Variants in CARMIL1 observed in about 807,000 individuals in gnomAD.
CARMIL1 encodes capping protein regulator and myosin 1 linker 1.
CARMIL1 carries 90 observed loss-of-function variants against 177.1 expected under a neutral mutation model. The ratio of observed to expected loss-of-function variants is 0.51; its 90% CI spans 0.43 to 0.61. The LOEUF is 0.61. CARMIL1 is among the 20% of genes least tolerant of loss of function. CARMIL1 has a pLI of 0.00. For missense variants in CARMIL1, 1,380 were observed against 1,667.0 expected, an observed-to-expected ratio of 0.83 and a Z score of 3.00; for synonymous variants, 577 against 606.2, an observed-to-expected ratio of 0.95 and a Z score of 0.71.
At chr6:25,555,148 G>A (rs572678085) in intron 28 of CARMIL1, among the ~76,000 whole-genome samples, 23 of 152,060 alleles carry the variant, frequency 1.5e-4, no homozygotes, top group Non-Finnish European at 2.6e-4. Context: ...TTTCATTGTA[G>A]CACCAAAAAA....
chr6:25,281,614 T>C lies in CARMIL1; in HGVS notation c.40+1779T>C, dbSNP rs559561303. ...GTTTTTATTAAGTATTGCCTATCTC[T>C]TTCAAGAGAGTGACATATTATGCCC... On this transcript the variant is annotated intron_variant, in intron 1 of 36. Transcript: ENST00000329474. Among the ~76,000 whole-genome samples, 4 of 152,326 alleles carry C rather than the reference T, an allele frequency of 2.6e-5. No individual in the cohort carries two copies. In the South Asian group the frequency reaches 8.3e-4, roughly 32 times the overall value.
chr6:25,489,593 C>T (rs187751949), intron 13 of CARMIL1, among the ~76,000 whole-genome samples: 81 of 152,276 alleles, frequency 5.3e-4, no homozygotes, highest in Non-Finnish European at 8.4e-4. Flanking sequence ...CTACACCCAG[C>T]GGCCATCTTT....
chr6:25,532,991 T>C (rs1321949310), intron 24 of CARMIL1, among the ~76,000 whole-genome samples: 1 of 152,058 alleles, frequency 6.6e-6, no homozygotes, highest in Non-Finnish European at 1.5e-5. Flanking sequence ...CTCGCCAAGC[T>C]CTTCTCTTTA....
chr6:25,611,149 A>G (rs1325102690), intron 36 of CARMIL1, among the ~76,000 whole-genome samples: 6 of 152,154 alleles, frequency 3.9e-5, no homozygotes, highest in African/African-American at 1.4e-4. Context: ...GTGGCTTGGA[A>G]ATCTAATAAA....
chr6:25,487,789 A>G (rs1245938449), intron 12 of CARMIL1, among the ~76,000 whole-genome samples: 1 of 152,214 alleles, frequency 6.6e-6, no homozygotes, highest in Non-Finnish European at 1.5e-5. Context: ...ACTTAGTTCT[A>G]TCCATACAGG....
At chr6:25,564,016 A>T in intron 29 of CARMIL1, 1 of 275,836 alleles carries the variant, frequency 3.6e-6, no homozygotes, top group Non-Finnish European at 5.5e-6. Context: ...ATTAAGTATC[A>T]TAAGTAACAT....
At chr6:25,453,876 G>A (rs1799235371) in intron 8 of CARMIL1, among the ~76,000 whole-genome samples, 1 of 151,890 alleles carries the variant, frequency 6.6e-6, no homozygotes, top group Non-Finnish European at 1.5e-5. Flanking sequence ...CGTTTTTTTT[G>A]GACTTACTTT....
intron 20 of CARMIL1, among the ~76,000 whole-genome samples, chr6:25,514,550 CAA>C (rs66490833): frequency 1.7e-4 from 14 of 84,164 alleles, no homozygotes; most frequent in East Asian, 4.5e-4. Context: ...GACCTTGTCT[CAA>C]AAAAAAAAAA....
At chr6:25,368,750 T>G (rs9467476) in intron 2 of CARMIL1, among the ~76,000 whole-genome samples, 15,525 of 152,232 alleles carry the variant, frequency 0.1, 1,079 homozygotes, top group African/African-American at 0.2. Context: ...GTGGAATTAA[T>G]GAGATTTTAC....
rs768649079 is a variant in CARMIL1, at chr6:25,515,795, G to A, written c.1753G>A (p.Asp585Asn). Residue 585 changes from aspartate (D) to asparagine (N), a missense_variant, in exon 21 of 37, where the codon GAC (aspartate) becomes AAC (asparagine). Coordinates refer to ENST00000329474, the MANE Select transcript of CARMIL1 (RefSeq NM_017640.6). The surrounding 1 kb of genome is among the most constrained non-coding windows in gnomAD (Gnocchi z 5.0). Reference sequence around the variant, plus strand: ...GGACATTAGCGGCAACGGAATGGGGGACATGGGAGCGAAGATGCTGGCCAA... The same window carrying A: ...GGACATTAGCGGCAACGGAATGGGGAACATGGGAGCGAAGATGCTGGCCAA... ...KVDISGNGMG[D>N]MGAKMLAKAL... 2 of 1,611,806 alleles carry A rather than the reference G, an allele frequency of 1.2e-6. No individual in the cohort carries two copies. Among genetic ancestry groups the A allele is most frequent in the Non-Finnish European group, 1.7e-6 (2 of 1,179,092 alleles).
At chr6:25,285,569 T>C (rs886249831) in intron 2 of CARMIL1, among the ~76,000 whole-genome samples, 1 of 152,218 alleles carries the variant, frequency 6.6e-6, no homozygotes, top group Non-Finnish European at 1.5e-5. Context: ...CATTTTGTGA[T>C]ATTTTAATGG....
At chr6:25,476,337 TGTGTG>T (rs1285914773) in intron 11 of CARMIL1, among the ~76,000 whole-genome samples, 3 of 152,202 alleles carry the variant, frequency 2.0e-5, no homozygotes, top group African/African-American at 7.2e-5. Context: ...CCAAGTCTGT[TGTGTG>T]GTTTCTGCTC....
intron 2 of CARMIL1, among the ~76,000 whole-genome samples, chr6:25,325,728 A>G (rs1785030744): frequency 6.6e-6 from 1 of 152,230 alleles, no homozygotes; most frequent in African/African-American, 2.4e-5. Context: ...TGTAACAGAT[A>G]TGGCTTGATT....
At chr6:25,450,912 TTCTCCTCTCCTCTCCTCTCCTCTCC>T (rs1163650038) in intron 8 of CARMIL1, among the ~76,000 whole-genome samples, 3 of 14,458 alleles carry the variant, frequency 2.1e-4, no homozygotes, top group African/African-American at 5.2e-4. Flanking sequence ...TTTCTTTTCC[TTCTCCTCTCCTCTCCTCTCCTCTCC>T]TCTCCTCTCC....
At chr6:25,442,083 A>T (rs1340399271) in intron 5 of CARMIL1, among the ~76,000 whole-genome samples, 1 of 152,056 alleles carries the variant, frequency 6.6e-6, no homozygotes, top group Admixed American at 6.6e-5. Flanking sequence ...GGCTTGCAGC[A>T]TTAAAGCATG....
At chr6:25,476,471 C>T (rs1003469968) in intron 11 of CARMIL1, among the ~76,000 whole-genome samples, 12 of 152,220 alleles carry the variant, frequency 7.9e-5, no homozygotes. Flanking sequence ...CAACTGCCAA[C>T]ATTCATATCT....
At chr6:25,304,006 A>C (rs181072566) in intron 2 of CARMIL1, among the ~76,000 whole-genome samples, 52 of 152,354 alleles carry the variant, frequency 3.4e-4, no homozygotes, top group Non-Finnish European at 6.8e-4. Context: ...ACTCTGCTTT[A>C]AAAGTCTTGT....
chr6:25,597,217 A>C (rs1329229926), intron 32 of CARMIL1, among the ~76,000 whole-genome samples: 1 of 152,176 alleles, frequency 6.6e-6, no homozygotes, highest in African/African-American at 2.4e-5. Flanking sequence ...CATTCCCATG[A>C]GAACTAATAC....
chr6:25,398,805 G>A (rs990441880), intron 2 of CARMIL1, among the ~76,000 whole-genome samples: 3 of 152,194 alleles, frequency 2.0e-5, no homozygotes, highest in Admixed American at 6.5e-5. Flanking sequence ...TTGATGAGAA[G>A]CATTAGCAAG....
Sources: gnomAD v4.1 joint callset for allele counts (sites outside exome capture counted in the v4.1 genomes callset) on GRCh38, gnomAD v4.1.1 for gene constraint, Gnocchi (gnomAD v3.1) non-coding constraint, MANE v1.5 for transcripts, NCBI Gene and HGNC (gene_info 2026-07-23, HGNC 2026-07-21) for gene names.